The following CAMK2G variants were observed in gnomAD, a reference collection of about 807,000 sequenced individuals.
CAMK2G encodes calcium/calmodulin dependent protein kinase II gamma, also known as calcium/calmodulin-dependent protein kinase type II subunit gamma.
A neutral mutation model predicts 88.7 loss-of-function variants in CAMK2G; 23 were observed. That is an observed-to-expected ratio of 0.26 (90% CI 0.19 to 0.37). The LOEUF is 0.37. Among genes scored for constraint, CAMK2G ranks in the 10% least tolerant of loss-of-function variants. The pLI is 1.00. For missense variants in CAMK2G, 476 were observed against 780.8 expected, an observed-to-expected ratio of 0.61 and a Z score of 4.65; for synonymous variants, 263 against 294.8, an observed-to-expected ratio of 0.89 and a Z score of 1.11.
chr10:73,851,115 G>T (rs7894576), intron 5 of CAMK2G, among the ~76,000 whole-genome samples: 5,052 of 152,324 alleles, frequency 0.033, 279 homozygotes, highest in African/African-American at 0.11. Context: ...TCTTCCCGAG[G>T]CTGAAGCATC....
At chr10:73,865,404 A>T (rs1378998215) in intron 2 of CAMK2G, among the ~76,000 whole-genome samples, 1 of 152,118 alleles carries the variant, frequency 6.6e-6, no homozygotes, top group East Asian at 1.9e-4. Flanking sequence ...AGCTCTCCTC[A>T]ATGAACAGAG....
At chr10:73,825,414 G>C in intron 15 of CAMK2G, 67 bp from the exon 16 acceptor site, 1 of 1,231,214 alleles carries the variant, frequency 8.1e-7, no homozygotes. Context: ...TCAACTCCCA[G>C]ACCTCCCTTG....
chr10:73,873,224 C>A lies in CAMK2G; in HGVS notation c.66-141G>T, dbSNP rs1224814483. ...ACATGCACACACACCGGCGCTGTGA[C>A]CACCACCATCCAACATGAGGCAAAA... On this transcript the variant is annotated intron_variant, in intron 1 of 22. Coordinates refer to ENST00000423381, the MANE Select transcript of CAMK2G (RefSeq NM_001367534.1). The A allele has an allele frequency of 5.1e-6, 5 of 971,522 alleles. No individual in the cohort carries two copies. The African/African-American group carries it at 8.1e-5, about 16-fold the overall frequency. 60.2% of individuals were successfully genotyped at this position (971,522 alleles called of 1,614,324 possible).
chr10:73,817,664 C>A, intron 19 of CAMK2G, 110 bp from the exon 20 acceptor site: 1 of 744,322 alleles, frequency 1.3e-6, no homozygotes, highest in South Asian at 1.4e-5. Flanking sequence ...CAAAGACATC[C>A]CTCTTCTCTG....
rs989399089 is a variant in CAMK2G at position 73,839,701 on chromosome 10, C to T, written c.947-100G>A. The T allele has an allele frequency of 1.4e-5, 10 of 693,198 alleles. No homozygotes were observed. In the Admixed American group the frequency reaches 2.6e-4, roughly 18 times the overall value. 42.9% of individuals were successfully genotyped at this position (693,198 alleles called of 1,614,324 possible). A position where few individuals can be genotyped will look rare whatever the true frequency, so the allele number is the denominator to read the frequency against. ...GCGAGGCGCAGCCCAGGCGGCGTGG[C>T]CAAGCCAGCCGAGCTGGGGGAGCGG... On this transcript the variant is annotated intron_variant, in intron 12 of 22. Coordinates refer to ENST00000423381, the MANE Select transcript of CAMK2G (RefSeq NM_001367534.1). The surrounding 1 kb of genome is among the most constrained non-coding windows in gnomAD (Gnocchi z 4.2).
rs2093851392 is a variant in CAMK2G at position 73,842,258 on chromosome 10, G to A, written c.904-47C>T. On this transcript the variant is annotated intron_variant, in intron 11 of 22. Transcript: ENST00000423381. The surrounding 1 kb of genome is among the most constrained non-coding windows in gnomAD (Gnocchi z 4.6). ...GTGAATTCACTGAGACCCTAGAAAAGGGCAGGCTGGTCTCAGGCAAAGGCA... is the reference window on the plus strand; with the variant it reads ...GTGAATTCACTGAGACCCTAGAAAAAGGCAGGCTGGTCTCAGGCAAAGGCA... The A allele has an allele frequency of 6.6e-7, 1 of 1,514,414 alleles. No individual in the cohort carries two copies. The highest frequency in any genetic ancestry group is 1.4e-5 in the African/African-American group (1 of 73,038). The allele number at this position is 1,514,414 out of a possible 1,614,324, so 93.8% of individuals were successfully genotyped here.
At chr10:73,821,760 T>C in intron 17 of CAMK2G, 30 bp from the exon 18 acceptor site, 1 of 1,587,484 alleles carries the variant, frequency 6.3e-7, no homozygotes, top group Non-Finnish European at 8.6e-7. Flanking sequence ...TGTTTCTATA[T>C]GCTCCATCCC....
intron 2 of CAMK2G, among the ~76,000 whole-genome samples, chr10:73,871,056 C>T (rs1288786578): frequency 6.6e-6 from 1 of 152,170 alleles, no homozygotes; most frequent in Admixed American, 6.5e-5. Context: ...CAAAGTCAAC[C>T]TGGCACATGA....
intron 2 of CAMK2G, among the ~76,000 whole-genome samples, chr10:73,871,459 C>G (rs1591477384): frequency 6.6e-6 from 1 of 152,202 alleles, no homozygotes; most frequent in Admixed American, 6.5e-5. Context: ...GAGAGCAAAG[C>G]ATTGCATCAT....
At chr10:73,860,927 T>A (rs2095343191) in intron 2 of CAMK2G, 38 bp from the exon 3 acceptor site, 10 of 1,457,746 alleles carry the variant, frequency 6.9e-6, no homozygotes, top group Non-Finnish European at 9.6e-6. Flanking sequence ...CCATCAACCA[T>A]CCATTCTCCT....
In CAMK2G at chr10:73,874,438, G is replaced by T. The variant is rs17853268; in HGVS notation, c.24C>A (p.Thr8=). 1.3e-6 allele frequency: 2 copies of T among 1,521,820 alleles called. No individual in the cohort carries two copies. Among genetic ancestry groups the T allele is most frequent in the Non-Finnish European group, 1.8e-6 (2 of 1,125,978 alleles). The allele number at this position is 1,521,820 out of a possible 1,614,324, so 94.3% of individuals were successfully genotyped here. A position where few individuals can be genotyped will look rare whatever the true frequency, so the allele number is the denominator to read the frequency against. The change falls in exon 1 of 23, where the codon ACC becomes ACA. Residue 8 remains threonine, a synonymous_variant. Coordinates refer to ENST00000423381, the MANE Select transcript of CAMK2G (RefSeq NM_001367534.1). ...AGAGCTGGTAGTCGTCGGTGAAACG[G>T]GTGCAGGTGGCGGTGGTGGCCATGC... The part of the protein sequence containing the change: MATTATC[T]RFTDDYQLFE...
chr10:73,860,688 A>T, intron 3 of CAMK2G, 142 bp downstream of exon 3: 1 of 686,688 alleles, frequency 1.5e-6, no homozygotes, highest in Non-Finnish European at 2.6e-6. Context: ...ATTCTGAGAC[A>T]CAGTTGCTAT....
intron 1 of CAMK2G, 152 bp downstream of exon 1, chr10:73,874,245 G>A (rs1294015693): frequency 2.8e-6 from 1 of 355,650 alleles, no homozygotes; most frequent in Non-Finnish European, 4.7e-6. Flanking sequence ...TGCGCGGGGG[G>A]CGCGGGGACC....
chr10:73,826,160 C>T (rs556930592), intron 15 of CAMK2G, among the ~76,000 whole-genome samples: 9 of 152,272 alleles, frequency 5.9e-5, no homozygotes, highest in Non-Finnish European at 8.8e-5. Context: ...TGGGTGGGCA[C>T]GGTGGCTCAC....
intron 1 of CAMK2G, among the ~76,000 whole-genome samples, chr10:73,873,946 G>A (rs1392070831): frequency 1.3e-5 from 2 of 148,736 alleles, no homozygotes; most frequent in Non-Finnish European, 1.5e-5. Context: ...CCCGCGGGGG[G>A]CGGGGCCGGG....
At chr10:73,834,023 A>G (rs2092896058) in intron 14 of CAMK2G, among the ~76,000 whole-genome samples, 1 of 133,366 alleles carries the variant, frequency 7.5e-6, no homozygotes, top group African/African-American at 2.9e-5. Flanking sequence ...GGTTCACGCC[A>G]TTCTCCTGCC....
intron 2 of CAMK2G, among the ~76,000 whole-genome samples, chr10:73,865,155 G>C (rs561293735): frequency 6.6e-6 from 1 of 152,336 alleles, no homozygotes; most frequent in Admixed American, 6.5e-5. Flanking sequence ...CCAGGCAGAT[G>C]CAGGGTCTGC....
At chr10:73,873,559 T>A (rs948658200) in intron 1 of CAMK2G, 43 of 993,606 alleles carry the variant, frequency 4.3e-5, no homozygotes, top group Admixed American at 5.7e-5. Flanking sequence ...TGGGGCAAAG[T>A]GAGGCTCAAA....
intron 2 of CAMK2G, among the ~76,000 whole-genome samples, chr10:73,868,513 G>T (rs191571707): frequency 6.6e-6 from 1 of 152,174 alleles, no homozygotes; most frequent in African/African-American, 2.4e-5. Context: ...AAGTAGAGGC[G>T]CTCCATCACT....
Sources: allele counts gnomAD v4.1 joint callset (sites outside exome capture counted in the v4.1 genomes callset), GRCh38; gene constraint gnomAD v4.1.1; non-coding constraint Gnocchi (gnomAD v3.1); transcripts MANE v1.5; gene names NCBI Gene and HGNC (gene_info 2026-07-23, HGNC 2026-07-21).